The following RANBP2 variants were observed in gnomAD, a reference collection of about 807,000 sequenced individuals.
The protein encoded by RANBP2 is RAN binding protein 2.
RANBP2 carries 57 observed loss-of-function variants against 303.6 expected under a neutral mutation model. The observed-to-expected ratio is 0.19, with a 90% CI of 0.15 to 0.23. The LOEUF is 0.23. Ranked by LOEUF, RANBP2 falls within the 10% of genes least tolerant of loss-of-function variation. RANBP2 has a pLI of 1.00. For synonymous variants in RANBP2, 1,167 were observed against 1,301.5 expected, an observed-to-expected ratio of 0.90 and a Z score of 2.23; for missense variants, 3,138 against 3,780.8, an observed-to-expected ratio of 0.83 and a Z score of 4.46.
At chr2:109,540,006 G>T in the RANBP2 span, among the ~76,000 whole-genome samples, 3 of 152,204 alleles carry the variant, frequency 2.0e-5, no homozygotes, top group South Asian at 6.2e-4. Flanking sequence ...GTCCTGGTGG[G>T]ACATGTGTCT....
the RANBP2 span, among the ~76,000 whole-genome samples, chr2:109,703,377 A>G: frequency 1.5e-3 from 236 of 152,346 alleles, 2 homozygotes; most frequent in African/African-American, 5.1e-3. Flanking sequence ...TGGTATGTTC[A>G]CATTCACTCA....
At chr2:109,751,438 G>A in the RANBP2 span, among the ~76,000 whole-genome samples, 2 of 147,340 alleles carry the variant, frequency 1.4e-5, no homozygotes, top group Non-Finnish European at 3.0e-5. Flanking sequence ...GCATTGCCAT[G>A]TAAGGTTATC....
chr2:109,265,333 A>G, the RANBP2 span, among the ~76,000 whole-genome samples: 1 of 152,114 alleles, frequency 6.6e-6, no homozygotes, highest in East Asian at 1.9e-4. Context: ...AAACAAGCAA[A>G]ATACTGCAAA....
At chr2:108,740,300 T>C (rs552496068) in intron 6 of RANBP2, among the ~76,000 whole-genome samples, 189 bp from the exon 7 acceptor site, 5 of 152,144 alleles carry the variant, frequency 3.3e-5, no homozygotes, top group Admixed American at 1.3e-4. Flanking sequence ...GCATGAAGTA[T>C]AGGAAGTATG....
At chr2:109,346,347 T>C in the RANBP2 span, among the ~76,000 whole-genome samples, 1 of 152,218 alleles carries the variant, frequency 6.6e-6, no homozygotes, top group Non-Finnish European at 1.5e-5. Context: ...AACATGCTAT[T>C]AAGTCCTCTA....
At chr2:109,496,318 G>A in the RANBP2 span, among the ~76,000 whole-genome samples, 1 of 152,136 alleles carries the variant, frequency 6.6e-6, no homozygotes, top group Admixed American at 6.5e-5. Flanking sequence ...AGTGCTGATT[G>A]GTGCATTTTA....
the RANBP2 span, among the ~76,000 whole-genome samples, chr2:108,822,505 T>C: frequency 6.6e-5 from 10 of 152,156 alleles, no homozygotes; most frequent in African/African-American, 2.4e-4. Context: ...GATACATTCT[T>C]CTCTTCTCAA....
At chr2:109,626,541 C>A in the RANBP2 span, among the ~76,000 whole-genome samples, 6 of 152,144 alleles carry the variant, frequency 3.9e-5, no homozygotes, top group Non-Finnish European at 8.8e-5. Flanking sequence ...TCTTAACACA[C>A]CAGACAGAAC....
At chr2:109,066,294 A>G in the RANBP2 span, among the ~76,000 whole-genome samples, 9 of 152,128 alleles carry the variant, frequency 5.9e-5, no homozygotes, top group African/African-American at 2.2e-4. Flanking sequence ...TTTTTAGTAG[A>G]TACGGGGTTT....
chr2:108,923,603 C>T, the RANBP2 span: 31 of 708,038 alleles, frequency 4.4e-5, no homozygotes, highest in Admixed American at 1.4e-4. Flanking sequence ...TCTGTCCACT[C>T]AGTTTCCTTG....
At chr2:109,664,693 G>A in the RANBP2 span, among the ~76,000 whole-genome samples, 1 of 152,022 alleles carries the variant, frequency 6.6e-6, no homozygotes, top group Non-Finnish European at 1.5e-5. Context: ...ACTTTGGAAG[G>A]CCAAGGCAGG....
chr2:109,362,301 CTT>C, the RANBP2 span, among the ~76,000 whole-genome samples: 1 of 152,076 alleles, frequency 6.6e-6, no homozygotes, highest in African/African-American at 2.4e-5. Flanking sequence ...TTAAATTTCT[CTT>C]GAGAGTTTTT....
At chr2:108,840,171 G>A in the RANBP2 span, among the ~76,000 whole-genome samples, 1 of 151,830 alleles carries the variant, frequency 6.6e-6, no homozygotes, top group Admixed American at 6.6e-5. Flanking sequence ...AAATATTAAA[G>A]TCTCTGAAAT....
At chr2:109,210,866 A>G in the RANBP2 span, among the ~76,000 whole-genome samples, 1 of 152,224 alleles carries the variant, frequency 6.6e-6, no homozygotes, top group Admixed American at 6.5e-5. Context: ...TAGGTGAGAA[A>G]TCTTTATTTT....
At chr2:108,960,453 G>C in the RANBP2 span, among the ~76,000 whole-genome samples, 1 of 152,184 alleles carries the variant, frequency 6.6e-6, no homozygotes, top group Non-Finnish European at 1.5e-5. Context: ...CTCAGATCAG[G>C]CAAAGAATAA....
chr2:108,994,157 C>T, the RANBP2 span, among the ~76,000 whole-genome samples: 3 of 152,170 alleles, frequency 2.0e-5, no homozygotes. Context: ...CCATGGACAC[C>T]TTATTAAAAA....
At chr2:109,672,658 A>C in the RANBP2 span, among the ~76,000 whole-genome samples, 5 of 152,234 alleles carry the variant, frequency 3.3e-5, no homozygotes, top group Non-Finnish European at 4.4e-5. Context: ...TACTTTAAAG[A>C]AACAAGTAAT....
chr2:109,588,145 G>A, the RANBP2 span, among the ~76,000 whole-genome samples: 1 of 151,370 alleles, frequency 6.6e-6, no homozygotes, highest in African/African-American at 2.4e-5. Flanking sequence ...TACAGCCAAT[G>A]AAAACATCCT....
the RANBP2 span, among the ~76,000 whole-genome samples, chr2:109,597,204 G>A: frequency 6.6e-6 from 1 of 152,188 alleles, no homozygotes; most frequent in East Asian, 1.9e-4. Flanking sequence ...GCCTCCCAAA[G>A]TGATAGGATT....
Sources: allele counts gnomAD v4.1 joint callset (sites outside exome capture counted in the v4.1 genomes callset), GRCh38; gene constraint gnomAD v4.1.1; transcripts MANE v1.5; gene names NCBI Gene and HGNC (gene_info 2026-07-23, HGNC 2026-07-21).